E2F7: variants seen among roughly 807,000 people sequenced by gnomAD.
E2F7 encodes E2F transcription factor 7.
Under a neutral mutation model 81.1 loss-of-function variants are expected in E2F7, and 35 were observed. That is an observed-to-expected ratio of 0.43 (90% CI 0.33 to 0.57). The LOEUF (loss-of-function observed/expected upper bound fraction) is 0.57, where lower values mean the gene tolerates loss of function less well. Among genes scored for constraint, E2F7 ranks in the 20% least tolerant of loss-of-function variants. The probability of loss-of-function intolerance (pLI) is 0.04; values close to 1 mark genes in which losing one functional copy is unlikely to be tolerated. For missense variants in E2F7, 961 were observed against 1,093.7 expected (o/e 0.88, Z 1.71); for synonymous variants, 416 against 416.2 (o/e 1.00, Z 0.01).
chr12:77,050,838 A>G (rs1025901904), intron 3 of E2F7, 94 bp from the exon 4 acceptor site: 1 of 1,215,254 alleles, frequency 8.2e-7, no homozygotes, highest in Admixed American at 2.0e-5. Context: ...CTGGGGGGAC[A>G]TCTCAATCCA....
chr12:77,034,654 A>G (rs1954833990), intron 7 of E2F7, among the ~76,000 whole-genome samples: 1 of 152,182 alleles, frequency 6.6e-6, no homozygotes, highest in Non-Finnish European at 1.5e-5. Context: ...TGTTTAACGG[A>G]GTATATGTGG....
rs370777600 is a variant in E2F7 at position 77,044,426 on chromosome 12, C to A, written c.988+211G>T. ...GTTCTGTTTTTCACTCTACTGAAAC[C>A]ACCGAGGAAAAGGCACTGACAGGAC... On this transcript the variant is annotated intron_variant, in intron 6 of 12. Coordinates refer to ENST00000322886, the MANE Select transcript of E2F7 (RefSeq NM_203394.3). The A allele has an allele frequency of 7.0e-4, 422 of 602,998 alleles. 9 individuals carry two copies. The South Asian group carries it at 8.2e-3, about 12-fold the overall frequency. 37.4% of individuals were successfully genotyped at this position (602,998 alleles called of 1,614,324 possible). A position where few individuals can be genotyped will look rare whatever the true frequency, so the allele number is the denominator to read the frequency against.
In E2F7 at chr12:77,044,800, A is replaced by G. The variant is rs542711868; in HGVS notation, c.830-5T>C. 6.2e-7 allele frequency: 1 copy of G among 1,612,484 alleles called. No individual in the cohort carries two copies. Among genetic ancestry groups the G allele is most frequent in the Non-Finnish European group, 8.5e-7 (1 of 1,179,502 alleles). ...CTTTTCTACTGTTTGCAGATGCTAC[A>G]CAAGGAATGAAACAAAAGCATCAAA... On this transcript the variant is annotated splice_region_variant and splice_polypyrimidine_tract_variant and intron_variant, in intron 5 of 12. Coordinates refer to ENST00000322886, the MANE Select transcript of E2F7 (RefSeq NM_203394.3).
chr12:77,031,435 GT>G (rs34510504), intron 9 of E2F7, among the ~76,000 whole-genome samples: 40,988 of 152,060 alleles, frequency 0.27, 5,833 homozygotes, highest in Middle Eastern at 0.35. Context: ...GAAGTCAGGA[GT>G]TCAAGACCAG....
In E2F7 at chr12:77,043,159, G is replaced by C. The variant is rs771346975; in HGVS notation, c.1029C>G (p.Thr343=). The part of the protein sequence containing the change: ...RRLYDIANVL[T]SLALIKKVHV... ...GCACTTTCTTTATCAGAGCCAAGCT[G>C]GTCAGAACATTGGCTATGTCATAGA... The change falls in exon 7 of 13, where the codon ACC becomes ACG. Residue 343 remains threonine, a synonymous_variant. Transcript: ENST00000322886. 1 of 1,614,142 alleles carries C rather than the reference G, an allele frequency of 6.2e-7. No homozygotes were observed. Among genetic ancestry groups the C allele is most frequent in the South Asian group, 1.1e-5 (1 of 91,068 alleles).
rs373792242 is a variant in E2F7, at chr12:77,033,030, A to C, written c.1382+20T>G. The stretch of plus-strand genomic sequence containing the variant: ...AGGAGATAGAAAAGAATACACTCTG[A>C]GCTTTTATAGACTACTTACTGTGAA... On this transcript the variant is annotated intron_variant, in intron 9 of 12. Transcript: ENST00000322886. The C allele has an allele frequency of 3.7e-6, 6 of 1,604,704 alleles. No individual in the cohort carries two copies. The highest frequency in any genetic ancestry group is 1.7e-5 in the Admixed American group (1 of 58,388).
intron 2 of E2F7, among the ~76,000 whole-genome samples, chr12:77,062,847 C>T (rs1180068803): frequency 1.3e-5 from 2 of 148,786 alleles, no homozygotes; most frequent in African/African-American, 5.0e-5. Context: ...TGAATATATA[C>T]TTTAAGTCTG....
rs1416522912 is a variant in E2F7 at position 77,030,188 on chromosome 12, C to A, written c.1527G>T (p.Leu509=). ...GACCGTTCTGCATGGAGAATGCCTG[C>A]AGGTCCGTCTGAGCAACAGAAAATA... The part of the protein sequence containing the change: ...HPVFSVAQTD[L]QAFSMQNGLN... Residue 509 remains leucine, a synonymous_variant, in exon 10 of 13, where the codon CTG becomes CTT. Coordinates refer to ENST00000322886, the MANE Select transcript of E2F7 (RefSeq NM_203394.3). 6.2e-7 allele frequency: 1 copy of A among 1,614,030 alleles called. No homozygotes were observed. The highest frequency in any genetic ancestry group is 1.3e-5 in the African/African-American group (1 of 74,900).
At chr12:77,039,122 G>T (rs12309524) in intron 7 of E2F7, among the ~76,000 whole-genome samples, 2 of 151,954 alleles carry the variant, frequency 1.3e-5, no homozygotes, top group Admixed American at 6.6e-5. Flanking sequence ...ACTAGAGAAA[G>T]GATAATATTT....
intron 9 of E2F7, among the ~76,000 whole-genome samples, chr12:77,032,643 C>G (rs1954816122): frequency 6.6e-6 from 1 of 152,116 alleles, no homozygotes; most frequent in Non-Finnish European, 1.5e-5. Context: ...CTCTGTAAAA[C>G]CTCAAAGGAT....
chr12:77,035,889 A>T (rs1442511303), intron 7 of E2F7, among the ~76,000 whole-genome samples: 1 of 128,980 alleles, frequency 7.8e-6, no homozygotes, highest in African/African-American at 2.5e-5. Flanking sequence ...CTCAAATCAA[A>T]CTTCTAGAGA....
rs1225590235 is a variant in E2F7, at chr12:77,021,451, A to G, written c.*2564T>C. 6.6e-6 allele frequency: 1 copy of G among 152,664 alleles called. No homozygotes were observed. The highest frequency in any genetic ancestry group is 1.5e-5 in the Non-Finnish European group (1 of 68,036). 9.5% of individuals were successfully genotyped at this position (152,664 alleles called of 1,614,324 possible). A position where few individuals can be genotyped will look rare whatever the true frequency, so the allele number is the denominator to read the frequency against. ...GTAAGCAGCAATAAAATTAATACCT[A>G]CATACAACTAGCAGTGCAATAAGAT... On this transcript the variant is annotated 3_prime_UTR_variant, in exon 13 of 13. Coordinates refer to ENST00000322886, the MANE Select transcript of E2F7 (RefSeq NM_203394.3).
intron 9 of E2F7, 29 bp from the exon 10 acceptor site, chr12:77,030,361 T>G (rs905935859): frequency 6.6e-7 from 1 of 1,515,380 alleles, no homozygotes; most frequent in African/African-American, 1.4e-5. Context: ...GTAACGAAGT[T>G]AGCACATTCT....
chr12:77,043,074 T>A lies in E2F7; in HGVS notation c.1114A>T (p.Ser372Cys), dbSNP rs1818298035. Residue 372 changes from serine (S) to cysteine (C), a missense_variant, in exon 7 of 13, where the codon AGC becomes TGC. By Grantham distance (112) the Ser-to-Cys change is moderately radical (BLOSUM62 -1). Around this residue, in one of 3 missense-constraint regions of E2F7, gnomAD observed 301 missense variants for 405.0 expected, o/e 0.74. Coordinates refer to ENST00000322886, the MANE Select transcript of E2F7 (RefSeq NM_203394.3). ...AACCACGCCACCTTACCACTTGAGC[T>A]GAAGTCCACAGGCCCGATCCACTTG... ...AFKWIGPVDFSSSDEELVDVS... is the reference protein window; with the variant it reads ...AFKWIGPVDFCSSDEELVDVS... The A allele has an allele frequency of 6.2e-7, 1 of 1,614,108 alleles. No homozygotes were observed. The highest frequency in any genetic ancestry group is 8.5e-7 in the Non-Finnish European group (1 of 1,179,968).
chr12:77,034,043 C>G lies in E2F7; in HGVS notation c.1124-1G>C. The G allele has an allele frequency of 6.2e-7, 1 of 1,610,854 alleles. No individual in the cohort carries two copies. Among genetic ancestry groups the G allele is most frequent in the Non-Finnish European group, 8.5e-7 (1 of 1,178,692 alleles). On this transcript the variant is annotated splice_acceptor_variant, in intron 7 of 12. Transcript: ENST00000322886. LOFTEE classifies it high-confidence loss of function. ...GCAGAAACATCCACCAGTTCTTCAT[C>G]TACATAAACGAGAGAATTGGTAGTG...
At chr12:77,059,076 C>T (rs1955057815) in intron 2 of E2F7, among the ~76,000 whole-genome samples, 1 of 152,166 alleles carries the variant, frequency 6.6e-6, no homozygotes, top group Admixed American at 6.5e-5. Flanking sequence ...TCCATTGCTT[C>T]CAAAAGAGTT....
intron 7 of E2F7, among the ~76,000 whole-genome samples, chr12:77,037,901 T>C (rs1292762185): frequency 1.3e-5 from 2 of 152,082 alleles, no homozygotes; most frequent in African/African-American, 4.8e-5. Context: ...AACTATATAC[T>C]GCCCACCAGA....
chr12:77,037,095 G>A (rs1465162380), intron 7 of E2F7, among the ~76,000 whole-genome samples: 1 of 152,116 alleles, frequency 6.6e-6, no homozygotes, highest in African/African-American at 2.4e-5. Context: ...AAAAGCAAGG[G>A]CACAATAAAG....
In E2F7 at chr12:77,022,387, T is replaced by C. The variant is rs1045062934; in HGVS notation, c.*1628A>G. 1.3e-5 allele frequency: 2 copies of C among 152,496 alleles called. No individual in the cohort carries two copies. Among genetic ancestry groups the C allele is most frequent in the Admixed American group, 1.3e-4 (2 of 15,278 alleles). 9.4% of individuals were successfully genotyped at this position (152,496 alleles called of 1,614,324 possible). On this transcript the variant is annotated 3_prime_UTR_variant, in exon 13 of 13. Transcript: ENST00000322886. ...TTTAGTGTTGATAAAAATTTTTATATAAGTAGCAAATTTATTTAATGTAGC... is the reference window on the plus strand; with the variant it reads ...TTTAGTGTTGATAAAAATTTTTATACAAGTAGCAAATTTATTTAATGTAGC...
Sources: gnomAD v4.1 joint callset for allele counts (sites outside exome capture counted in the v4.1 genomes callset) on GRCh38, gnomAD v4.1.1 for gene constraint, gnomAD v4.1.1 regional missense constraint, MANE v1.5 for transcripts, NCBI Gene and HGNC (gene_info 2026-07-23, HGNC 2026-07-21) for gene names.